LRPPRC: variants seen among roughly 807,000 people sequenced by gnomAD.
LRPPRC encodes the protein leucine rich pentatricopeptide repeat containing.
A neutral mutation model predicts 180.3 loss-of-function variants in LRPPRC; 120 were observed. The observed-to-expected ratio is 0.67, with a 90% CI of 0.57 to 0.77. LRPPRC has a LOEUF of 0.77. LRPPRC is among the 30% of genes least tolerant of loss of function. LRPPRC has a pLI of 0.00. For synonymous variants in LRPPRC, 723 were observed against 600.0 expected (o/e 1.21, Z -3.00); for missense variants, 2,012 against 1,657.2 (o/e 1.21, Z -3.72).
At chr2:43,990,539 T>G (rs780013942) in intron 1 of LRPPRC, among the ~76,000 whole-genome samples, 10 of 152,108 alleles carry the variant, frequency 6.6e-5, no homozygotes, top group Non-Finnish European at 1.2e-4. Context: ...GAAATCAACT[T>G]CCACCACATC....
At chr2:43,920,614 AT>A (rs1352421522) in intron 27 of LRPPRC, among the ~76,000 whole-genome samples, 1 of 152,064 alleles carries the variant, frequency 6.6e-6, no homozygotes, top group Admixed American at 6.6e-5. Flanking sequence ...CTTTTTCTTC[AT>A]TAAAATGTTA....
intron 25 of LRPPRC, among the ~76,000 whole-genome samples, chr2:43,926,886 A>C (rs1267758147): frequency 6.6e-6 from 1 of 152,260 alleles, no homozygotes. Flanking sequence ...TAAATGTTTA[A>C]AGAACAAAAC....
intron 30 of LRPPRC, among the ~76,000 whole-genome samples, chr2:43,910,201 C>T (rs973551095): frequency 6.6e-6 from 1 of 151,692 alleles, no homozygotes; most frequent in African/African-American, 2.4e-5. Context: ...TGCATGAACA[C>T]TCCAGGGTAA....
At chr2:43,983,347 A>G (rs62135116) in intron 1 of LRPPRC, among the ~76,000 whole-genome samples, 13,108 of 151,926 alleles carry the variant, frequency 0.086, 634 homozygotes, top group South Asian at 0.14. Flanking sequence ...AAAAAACACC[A>G]CAATTTTTAG....
rs11691515 is a variant in LRPPRC, at chr2:43,976,440, G to A, written c.651-211C>T. Among the ~76,000 whole-genome samples the A allele has an allele frequency of 0.34, 51,938 of 151,752 alleles. 9,649 individuals are homozygous for A. The highest frequency in any genetic ancestry group is 0.42 in the Non-Finnish European group (28,668 of 67,910). Reference sequence around the variant, plus strand: ...GTATCAACAGTCTTGAAGTACTATCGATACAAATACTAGATTTTTAAAAAT... The same window carrying A: ...GTATCAACAGTCTTGAAGTACTATCAATACAAATACTAGATTTTTAAAAAT... On this transcript the variant is annotated intron_variant, in intron 5 of 37. Transcript: ENST00000260665.
rs372351744 is a variant in LRPPRC at position 43,982,259 on chromosome 2, A to C, written c.325T>G (p.Phe109Val). The part of the protein sequence containing the change: ...RIPKKLLQKV[F>V]NDTCRSGGLG... ...ATACCTGAGCGGCAGGTATCATTAAAAACTTTTTGTAGAAGCTTCTTTGGA... is the reference window on the plus strand; with the variant it reads ...ATACCTGAGCGGCAGGTATCATTAACAACTTTTTGTAGAAGCTTCTTTGGA... Residue 109 changes from phenylalanine to valine, a missense_variant, in exon 2 of 38, where the codon TTT becomes GTT. Transcript: ENST00000260665. 129 of 1,573,252 alleles carry C rather than the reference A, an allele frequency of 8.2e-5. No homozygotes were observed. Among genetic ancestry groups the C allele is most frequent in the Non-Finnish European group, 1.1e-4 (126 of 1,163,968 alleles).
At chr2:43,957,322 G>C (rs1366736346) in intron 14 of LRPPRC, 63 bp downstream of exon 14, 5 of 1,104,932 alleles carry the variant, frequency 4.5e-6, no homozygotes, top group Non-Finnish European at 7.0e-6. Flanking sequence ...CATGCAATAA[G>C]TCAAAAGGAC....
Position 43,947,314 on chromosome 2 carries a change from T to C in LRPPRC, c.2022A>G (p.Glu674=). The C allele has an allele frequency of 6.2e-7, 1 of 1,607,934 alleles. No individual in the cohort carries two copies. Among genetic ancestry groups the C allele is most frequent in the Non-Finnish European group, 8.5e-7 (1 of 1,175,172 alleles). Residue 674 remains glutamate, a synonymous_variant, in exon 20 of 38, where the codon GAA becomes GAG. Transcript: ENST00000260665. ...LESTLETLKA[E]NQPIRDVLKQ... is the part of the protein sequence containing the mutation. ...TTAGGACATCTCTTATAGGTTGATT[T>C]TCAGCTTTTAGTGTTTCAAGTGTGG... is the stretch of plus-strand genomic sequence containing the variant.
chr2:43,955,664 C>T (rs564010550), intron 14 of LRPPRC, among the ~76,000 whole-genome samples: 2 of 151,836 alleles, frequency 1.3e-5, no homozygotes, highest in South Asian at 2.1e-4. Context: ...CGCTTGAGCC[C>T]GGGAGGTAAA....
intron 34 of LRPPRC, among the ~76,000 whole-genome samples, chr2:43,897,068 G>A (rs556876796): frequency 5.3e-4 from 80 of 152,204 alleles, no homozygotes; most frequent in African/African-American, 1.7e-3. Flanking sequence ...AGTGAGCTAG[G>A]GATCATAAGG....
chr2:43,961,602 CATTT>C (rs1309635451), intron 12 of LRPPRC, among the ~76,000 whole-genome samples: 1 of 152,164 alleles, frequency 6.6e-6, no homozygotes, highest in Non-Finnish European at 1.5e-5. Flanking sequence ...TATCAACAAA[CATTT>C]ATTATGTAAT....
chr2:43,945,457 A>AT (rs777025000), intron 21 of LRPPRC, 40 bp from the exon 22 acceptor site: 3 of 1,133,194 alleles, frequency 2.6e-6, no homozygotes, highest in Non-Finnish European at 4.0e-6. Context: ...TTAAAAGTCA[A>AT]TTAACTGCTA....
intron 2 of LRPPRC, among the ~76,000 whole-genome samples, chr2:43,980,556 A>AG (rs1403363804): frequency 9.1e-6 from 1 of 109,884 alleles, no homozygotes; most frequent in Non-Finnish European, 1.8e-5. Context: ...TCTGTTTCAA[A>AG]AAAAAAAAAA....
In LRPPRC at chr2:43,907,830, C is replaced by G. The variant is rs182894952; in HGVS notation, c.3276-2050G>C. 3.8e-3 allele frequency among the ~76,000 whole-genome samples: 586 copies of G among 152,234 alleles called. 1 individual carries two copies. The highest frequency in any genetic ancestry group is 6.0e-3 in the Non-Finnish European group (407 of 68,004). ...AGGGAAACTTTCACATTGGACATTT[C>G]AGAGAATTTATTGCTCTGAAATGAC... On this transcript the variant is annotated intron_variant, in intron 30 of 37. Coordinates refer to ENST00000260665, the MANE Select transcript of LRPPRC (RefSeq NM_133259.4).
In LRPPRC at chr2:43,948,154, G is replaced by A. The variant is rs35881858; in HGVS notation, c.1888C>T (p.Leu630=). ...ENIYRGIRNL[L]ESYHVPELIK... is the part of the protein sequence containing the mutation. ...AATTCAGGAACATGGTAGCTTTCCA[G>A]GAGATTACGAATGCCTCTGTAGATA... Residue 630 remains leucine, a synonymous_variant, in exon 18 of 38, where the codon CTG becomes TTG. Transcript: ENST00000260665. 5,917 of 1,606,868 alleles carry A rather than the reference G, an allele frequency of 3.7e-3. 179 individuals carry two copies. The African/African-American group carries it at 0.069, about 19-fold the overall frequency.
At chr2:43,909,970 G>A (rs907284167) in intron 30 of LRPPRC, among the ~76,000 whole-genome samples, 1 of 152,124 alleles carries the variant, frequency 6.6e-6, no homozygotes, top group Non-Finnish European at 1.5e-5. Flanking sequence ...GTTTTACATA[G>A]ACAACCCAAT....
intron 12 of LRPPRC, among the ~76,000 whole-genome samples, chr2:43,961,875 C>T (rs1311757265): frequency 2.0e-5 from 3 of 152,066 alleles, no homozygotes; most frequent in Admixed American, 6.6e-5. Context: ...GCAGAAGAAT[C>T]GCTTGAACCG....
chr2:43,983,166 T>C (rs1348787196), intron 1 of LRPPRC, among the ~76,000 whole-genome samples: 4 of 152,178 alleles, frequency 2.6e-5, no homozygotes, highest in African/African-American at 9.6e-5. Flanking sequence ...AAATTAGGTA[T>C]GGTCAGAATA....
intron 14 of LRPPRC, among the ~76,000 whole-genome samples, chr2:43,953,941 T>C (rs1265101533): frequency 6.6e-6 from 1 of 152,156 alleles, no homozygotes; most frequent in East Asian, 1.9e-4. Context: ...AGGCCAAGGC[T>C]GGGGGTTCAC....
Sources: gnomAD v4.1 joint callset for allele counts (sites outside exome capture counted in the v4.1 genomes callset) on GRCh38, gnomAD v4.1.1 for gene constraint, MANE v1.5 for transcripts, NCBI Gene and HGNC (gene_info 2026-07-23, HGNC 2026-07-21) for gene names.